The following SMARCC1 variants were observed in gnomAD, a reference collection of about 807,000 sequenced individuals.
SMARCC1 encodes SWI/SNF related BAF chromatin remodeling complex subunit C1, also known as SWI/SNF complex subunit SMARCC1.
A neutral mutation model predicts 147.4 loss-of-function variants in SMARCC1; 43 were observed. The ratio of observed to expected loss-of-function variants is 0.29; its 90% CI spans 0.23 to 0.38. The LOEUF (loss-of-function observed/expected upper bound fraction) is 0.38. Among genes scored for constraint, SMARCC1 ranks in the 10% least tolerant of loss-of-function variants. The pLI is 1.00. For synonymous variants in SMARCC1, 495 were observed against 484.4 expected (o/e 1.02, Z -0.29); for missense variants, 1,119 against 1,381.1 (o/e 0.81, Z 3.01).
intron 2 of SMARCC1, among the ~76,000 whole-genome samples, chr3:47,755,169 C>T (rs1000943292): frequency 6.6e-6 from 1 of 152,088 alleles, no homozygotes; most frequent in African/African-American, 2.4e-5. Context: ...CAAGATCGCA[C>T]CACTGCACTT....
chr3:47,588,035 A>C lies in SMARCC1; in HGVS notation c.*174T>G. 1.7e-6 allele frequency: 1 copy of C among 592,598 alleles called. No homozygotes were observed. The highest frequency in any genetic ancestry group is 3.0e-6 in the Non-Finnish European group (1 of 333,982). The allele number at this position is 592,598 out of a possible 1,614,324, so 36.7% of individuals were successfully genotyped here. ...CTTGAGTGTTGGCTGAGGACCCAAC[A>C]CAAAAAGTGTCAGAGAGAGGGGTGG... On this transcript the variant is annotated 3_prime_UTR_variant, in exon 28 of 28. Coordinates refer to ENST00000254480, the MANE Select transcript of SMARCC1 (RefSeq NM_003074.4).
chr3:47,707,833 C>T (rs779808503), intron 9 of SMARCC1, among the ~76,000 whole-genome samples: 2 of 152,026 alleles, frequency 1.3e-5, no homozygotes, highest in East Asian at 1.9e-4. Context: ...GTGCTATGAT[C>T]GCAACACTGC....
chr3:47,590,699 A>G lies in SMARCC1; in HGVS notation c.3182T>C (p.Leu1061Ser). 1 of 1,566,670 alleles carries G rather than the reference A, an allele frequency of 6.4e-7. No homozygotes were observed. The highest frequency in any genetic ancestry group is 8.6e-7 in the Non-Finnish European group (1 of 1,162,580). The change falls in exon 27 of 28, where the codon TTA becomes TCA. Residue 1061 changes from leucine (L) to serine (S), a missense_variant. By Grantham distance (145) the Leu-to-Ser change is moderately radical. Transcript: ENST00000254480. ...TGCTGTCAGGGGTACCCGGGGTCCT[A>G]AGATGTTTCCTGGCATTGGTGGCAT... is the stretch of plus-strand genomic sequence containing the variant. ...PGMPPMPGNI[L>S]GPRVPLTAPN...
intron 21 of SMARCC1, among the ~76,000 whole-genome samples, chr3:47,642,420 T>C (rs752193326): frequency 2.6e-5 from 4 of 152,208 alleles, no homozygotes; most frequent in Non-Finnish European, 5.9e-5. Flanking sequence ...TGAAACCCCG[T>C]CTCTACTAAA....
At chr3:47,621,553 G>A (rs947069951) in intron 25 of SMARCC1, among the ~76,000 whole-genome samples, 2 of 151,914 alleles carry the variant, frequency 1.3e-5, no homozygotes, top group Non-Finnish European at 2.9e-5. Context: ...GAATTAACCC[G>A]GAAGCAAAAA....
At position 47,747,669 on chromosome 3, in the gene SMARCC1, T is replaced by C. The variant is rs1007192152; in HGVS notation, c.316-1676A>G. 2.0e-5 allele frequency among the ~76,000 whole-genome samples: 3 copies of C among 151,422 alleles called. No individual in the cohort carries two copies. In the South Asian group the frequency reaches 6.2e-4, roughly 31 times the overall value. ...TTTTTATAAAAAAGATAAATCAAAATGGTTCCAAAGAAAATGCCTGTAACC... is the reference window on the plus strand; with the variant it reads ...TTTTTATAAAAAAGATAAATCAAAACGGTTCCAAAGAAAATGCCTGTAACC... On this transcript the variant is annotated intron_variant, in intron 2 of 27. Coordinates refer to ENST00000254480, the MANE Select transcript of SMARCC1 (RefSeq NM_003074.4).
chr3:47,697,669 A>G (rs2033869733), intron 11 of SMARCC1, among the ~76,000 whole-genome samples: 2 of 151,834 alleles, frequency 1.3e-5, no homozygotes, highest in South Asian at 2.1e-4. Context: ...CAGCATAACC[A>G]TGACAGCAAA....
chr3:47,588,475 A>C (rs559372560), intron 27 of SMARCC1, among the ~76,000 whole-genome samples, 169 bp from the exon 28 acceptor site: 1 of 152,256 alleles, frequency 6.6e-6, no homozygotes, highest in Admixed American at 6.5e-5. Context: ...ATTCCTTCTG[A>C]ACCTCTAGGG....
chr3:47,639,278 A>G (rs1576395734), intron 21 of SMARCC1, among the ~76,000 whole-genome samples: 1 of 152,218 alleles, frequency 6.6e-6, no homozygotes, highest in Admixed American at 6.5e-5. Flanking sequence ...TCTCAAGAGG[A>G]TATCATTTTG....
intron 1 of SMARCC1, among the ~76,000 whole-genome samples, chr3:47,781,116 TCATC>T (rs1359873400): frequency 6.6e-6 from 1 of 152,186 alleles, no homozygotes; most frequent in Non-Finnish European, 1.5e-5. Flanking sequence ...TTAATAGTTC[TCATC>T]CATCCTAGAA....
At chr3:47,630,504 T>C (rs7645583) in intron 24 of SMARCC1, among the ~76,000 whole-genome samples, 1,577 of 152,284 alleles carry the variant, frequency 0.01, 23 homozygotes, top group African/African-American at 0.036. Context: ...CCAGCTGGCA[T>C]AGGGTTGAGG....
chr3:47,770,283 T>C (rs2034897616), intron 2 of SMARCC1, among the ~76,000 whole-genome samples: 2 of 151,328 alleles, frequency 1.3e-5, no homozygotes, highest in African/African-American at 2.4e-5. Flanking sequence ...ATCCCAGGAC[T>C]TTGCAAAGCC....
At chr3:47,735,979 A>T (rs2034438286) in intron 5 of SMARCC1, 55 bp downstream of exon 5, 1 of 786,054 alleles carries the variant, frequency 1.3e-6, no homozygotes, top group East Asian at 2.8e-5. Context: ...GAGGCTTACA[A>T]CTACAAAATG....
intron 10 of SMARCC1, 35 bp from the exon 11 acceptor site, chr3:47,701,437 C>T (rs2106787581): frequency 1.9e-6 from 3 of 1,590,390 alleles, no homozygotes; most frequent in South Asian, 2.2e-5. Flanking sequence ...ATAAACAAGA[C>T]TGATTATAGC....
intron 11 of SMARCC1, among the ~76,000 whole-genome samples, chr3:47,695,700 T>C (rs1293347048): frequency 6.9e-6 from 1 of 144,796 alleles, no homozygotes; most frequent in Non-Finnish European, 1.5e-5. Context: ...CCGGCGGAGG[T>C]TGCAGTGAGC....
chr3:47,733,072 G>GCTCC (rs1475226705), intron 5 of SMARCC1, among the ~76,000 whole-genome samples: 1 of 151,832 alleles, frequency 6.6e-6, no homozygotes, highest in Non-Finnish European at 1.5e-5. Flanking sequence ...ACACCACTGC[G>GCTCC]CTCCAGCTGG....
At position 47,587,907 on chromosome 3, in the gene SMARCC1, G is replaced by A. The variant is rs994893319; in HGVS notation, c.*302C>T. ...GGTAAAGACATAGCATGCTAAAGTT[G>A]ACAGGACCTGCAGAGAAACTGTCAG... is the stretch of plus-strand genomic sequence containing the variant. On this transcript the variant is annotated 3_prime_UTR_variant, in exon 28 of 28. Transcript: ENST00000254480. The A allele has an allele frequency of 2.7e-6, 1 of 372,872 alleles. No individual in the cohort carries two copies. The highest frequency in any genetic ancestry group is 4.8e-6 in the Non-Finnish European group (1 of 206,198). The allele number at this position is 372,872 out of a possible 1,614,324, so 23.1% of individuals were successfully genotyped here.
intron 13 of SMARCC1, among the ~76,000 whole-genome samples, chr3:47,687,676 C>T (rs1009472418): frequency 6.6e-6 from 1 of 152,142 alleles, no homozygotes; most frequent in African/African-American, 2.4e-5. Flanking sequence ...TTGTGTTGTG[C>T]TGGCTGGTTT....
chr3:47,714,247 C>T (rs2034127989), intron 8 of SMARCC1, among the ~76,000 whole-genome samples, 168 bp downstream of exon 8: 1 of 152,104 alleles, frequency 6.6e-6, no homozygotes. Flanking sequence ...GCCTATAGTC[C>T]CAGCTACTTG....
Sources: allele counts gnomAD v4.1 joint callset (sites outside exome capture counted in the v4.1 genomes callset), GRCh38; gene constraint gnomAD v4.1.1; transcripts MANE v1.5; gene names NCBI Gene and HGNC (gene_info 2026-07-23, HGNC 2026-07-21).